Variants in INO80 observed in about 807,000 individuals in gnomAD.
INO80 encodes chromatin-remodeling ATPase INO80.
Under a neutral mutation model 203.4 loss-of-function variants are expected in INO80, and 20 were observed. That is an observed-to-expected ratio of 0.10 (90% confidence interval 0.07 to 0.14). The LOEUF (loss-of-function observed/expected upper bound fraction) is 0.14, where lower values mean the gene tolerates loss of function less well. Ranked by LOEUF, INO80 falls within the 10% of genes least tolerant of loss-of-function variation. The probability of loss-of-function intolerance (pLI) is 1.00; values close to 1 mark genes in which losing one functional copy is unlikely to be tolerated. For synonymous variants in INO80, 726 were observed against 685.2 expected (o/e 1.06, Z -0.93); for missense variants, 1,419 against 1,914.4 (o/e 0.74, Z 4.83).
chr15:41,012,487 C>T (rs1317100916), intron 27 of INO80, among the ~76,000 whole-genome samples: 2 of 139,856 alleles, frequency 1.4e-5, no homozygotes, highest in Non-Finnish European at 3.0e-5. Flanking sequence ...TGCTTGAACC[C>T]GGCAGCTGGA....
At chr15:41,069,134 T>C (rs1246352408) in intron 14 of INO80, among the ~76,000 whole-genome samples, 1 of 152,138 alleles carries the variant, frequency 6.6e-6, no homozygotes, top group Non-Finnish European at 1.5e-5. Flanking sequence ...AATGTATATT[T>C]TTGTTTTTGT....
chr15:40,994,993 C>G (rs542938824), intron 29 of INO80, among the ~76,000 whole-genome samples: 17 of 152,108 alleles, frequency 1.1e-4, no homozygotes, highest in Non-Finnish European at 2.1e-4. Flanking sequence ...GTAGCTGGGA[C>G]CACAGGCATG....
intron 24 of INO80, among the ~76,000 whole-genome samples, chr15:41,033,883 A>C (rs552868420): frequency 1.3e-5 from 2 of 151,602 alleles, no homozygotes; most frequent in Non-Finnish European, 2.9e-5. Flanking sequence ...TAGAAACCCT[A>C]TCTCTACTAA....
chr15:41,081,467 G>A (rs1353046347), intron 7 of INO80, among the ~76,000 whole-genome samples: 1 of 152,150 alleles, frequency 6.6e-6, no homozygotes, highest in Non-Finnish European at 1.5e-5. Flanking sequence ...GAATCATTAG[G>A]AGAAAGATAA....
intron 24 of INO80, 73 bp downstream of exon 24, chr15:41,044,831 T>C: frequency 6.9e-7 from 1 of 1,446,664 alleles, no homozygotes; most frequent in Non-Finnish European, 9.3e-7. Context: ...TTTACTTTAC[T>C]ATTATTTTTA....
At chr15:41,014,284 T>C (rs146652359) in intron 27 of INO80, among the ~76,000 whole-genome samples, 78 of 152,318 alleles carry the variant, frequency 5.1e-4, no homozygotes, top group African/African-American at 1.4e-3. Flanking sequence ...CCCTTACCAG[T>C]ATCCTTAGCA....
chr15:41,062,006 G>A (rs1255798932), intron 14 of INO80, among the ~76,000 whole-genome samples: 1 of 152,088 alleles, frequency 6.6e-6, no homozygotes, highest in Non-Finnish European at 1.5e-5. Context: ...GCTATCTTTT[G>A]TTGTTCTGAA....
At chr15:40,983,625 G>T in intron 34 of INO80, 137 bp downstream of exon 34, 1 of 752,178 alleles carries the variant, frequency 1.3e-6, no homozygotes. Flanking sequence ...CCTAAACCTC[G>T]TTTTCTCATT....
At chr15:41,079,645 T>A in intron 9 of INO80, 56 bp downstream of exon 9, 1 of 1,448,266 alleles carries the variant, frequency 6.9e-7, no homozygotes, top group Non-Finnish European at 9.7e-7. Context: ...TGCAAACGAA[T>A]CTCTTCAAAT....
At chr15:41,077,231 T>C (rs1434334569) in intron 9 of INO80, among the ~76,000 whole-genome samples, 9 of 143,168 alleles carry the variant, frequency 6.3e-5, no homozygotes, top group South Asian at 2.2e-4. Flanking sequence ...TTTTTTTTTT[T>C]CCAAAAAAGA....
intron 1 of INO80, among the ~76,000 whole-genome samples, chr15:41,109,955 C>A (rs1257102885): frequency 6.7e-6 from 1 of 149,122 alleles, no homozygotes; most frequent in African/African-American, 2.5e-5. Flanking sequence ...ACTGTCCAGG[C>A]GTGGTGATGG....
chr15:40,992,366 C>T (rs1317911033), intron 29 of INO80, among the ~76,000 whole-genome samples: 1 of 152,256 alleles, frequency 6.6e-6, no homozygotes, highest in Non-Finnish European at 1.5e-5. Flanking sequence ...GAAGCATATA[C>T]AGTGACACAG....
intron 29 of INO80, among the ~76,000 whole-genome samples, chr15:40,993,483 A>G (rs1025847482): frequency 6.6e-6 from 1 of 152,018 alleles, no homozygotes; most frequent in African/African-American, 2.4e-5. Flanking sequence ...TAAGGCCAGG[A>G]GTGGTGGCTC....
chr15:41,061,092 A>G (rs2045096467), intron 14 of INO80, among the ~76,000 whole-genome samples: 1 of 152,146 alleles, frequency 6.6e-6, no homozygotes, highest in African/African-American at 2.4e-5. Context: ...AGATCACCTG[A>G]GCATGGGAGT....
chr15:41,005,396 ATTCTCTTT>A (rs1660040103), intron 28 of INO80, 189 bp downstream of exon 28: 2 of 502,286 alleles, frequency 4.0e-6, no homozygotes, highest in African/African-American at 2.0e-5. Flanking sequence ...TATCAGGTAT[ATTCTCTTT>A]TTCTCTCCCA....
chr15:41,020,241 C>G (rs2044270470), intron 26 of INO80, among the ~76,000 whole-genome samples: 1 of 152,012 alleles, frequency 6.6e-6, no homozygotes, highest in South Asian at 2.1e-4. Flanking sequence ...GGAATGTAGT[C>G]AAAATGTCAG....
rs1047927109 is a variant in INO80 at position 41,047,344 on chromosome 15, T to C, written c.2735+64A>G. On this transcript the variant is annotated intron_variant, in intron 23 of 35. Transcript: ENST00000648947. Reference sequence around the variant, plus strand: ...TCATATTAAATATTTAATTCCACAGTATTCAATATCTATCCCATTTATTCC... The same window carrying C: ...TCATATTAAATATTTAATTCCACAGCATTCAATATCTATCCCATTTATTCC... 15 of 914,386 alleles carry C rather than the reference T, an allele frequency of 1.6e-5. No individual in the cohort carries two copies. In the African/African-American group the frequency reaches 2.3e-4, roughly 14 times the overall value. 56.6% of individuals were successfully genotyped at this position (914,386 alleles called of 1,614,324 possible).
chr15:40,987,803 C>T lies in INO80; in HGVS notation c.3729+13G>A, dbSNP rs745315079. On this transcript the variant is annotated intron_variant, in intron 30 of 35. Transcript: ENST00000648947. ...GCTCCACCAGTGTAGGAATTTCTTT[C>T]TCTTGTGCTTACCTCACTCTTCTCC... 4.0e-5 allele frequency: 65 copies of T among 1,609,894 alleles called. 2 individuals are homozygous for T. In the South Asian group the frequency reaches 6.6e-4, roughly 16 times the overall value.
intron 5 of INO80, among the ~76,000 whole-genome samples, chr15:41,088,087 C>CTTTTTTTTTTTTTTT (rs943111352): frequency 2.0e-5 from 2 of 101,082 alleles, no homozygotes; most frequent in Non-Finnish European, 2.0e-5. Flanking sequence ...GCTTGCTTTT[C>CTTTTTTTTTTTTTTT]TTTTTTTTTT....
Sources: gnomAD v4.1 joint callset for allele counts (sites outside exome capture counted in the v4.1 genomes callset) on GRCh38, gnomAD v4.1.1 for gene constraint, MANE v1.5 for transcripts, NCBI Gene and HGNC (gene_info 2026-07-23, HGNC 2026-07-21) for gene names.